TBPL1: variants seen among roughly 807,000 people sequenced by gnomAD.
TBPL1 encodes TATA box-binding protein-like 1.
In TBPL1, 4 loss-of-function variants were observed where a neutral mutation model predicts 22.1. The ratio of observed to expected loss-of-function variants is 0.18; its 90% CI spans 0.09 to 0.41. The LOEUF is 0.41. Among genes scored for constraint, TBPL1 ranks in the 10% least tolerant of loss-of-function variants. The pLI, the probability that TBPL1 is intolerant of heterozygous loss-of-function variation, is 1.00. For missense variants in TBPL1, 115 were observed against 222.3 expected, an observed-to-expected ratio of 0.52 and a Z score of 3.07; for synonymous variants, 64 against 71.0, an observed-to-expected ratio of 0.90 and a Z score of 0.50.
At position 133,974,854 on chromosome 6, in the gene TBPL1, CAAAGAACTGCTAAATAAATGATTAGTCT is replaced by C. The variant is rs1776286808; in HGVS notation, c.-44-5225_-44-5198del. On this transcript the variant is annotated intron_variant, in intron 1 of 6. Transcript: ENST00000237264. ...GCATTTCCTCAATTACTAGTAAATG[CAAAGAACTGCTAAATAAATGATTAGTCT>C]AAGAAAAAATGAATTTTAATATCAT... Among the ~76,000 whole-genome samples, 3 of 151,904 alleles carry C rather than the reference CAAAGAACTGCTAAATAAATGATTAGTCT, an allele frequency of 2.0e-5. No individual in the cohort carries two copies. The South Asian group carries it at 6.2e-4, about 32-fold the overall frequency.
chr6:133,955,095 G>A (rs1775904526), intron 1 of TBPL1, among the ~76,000 whole-genome samples: 1 of 151,912 alleles, frequency 6.6e-6, no homozygotes, highest in South Asian at 2.1e-4. Context: ...AATCTTTGTA[G>A]CAGTTCTGTG....
rs893248247 is a variant in TBPL1 at position 133,987,864 on chromosome 6, A to G, written c.*824A>G. 2 of 152,504 alleles carry G rather than the reference A, an allele frequency of 1.3e-5. No homozygotes were observed. Among genetic ancestry groups the G allele is most frequent in the Admixed American group, 1.3e-4 (2 of 15,244 alleles). The allele number at this position is 152,504 out of a possible 1,614,324, so 9.4% of individuals were successfully genotyped here. A position where few individuals can be genotyped will look rare whatever the true frequency, so the allele number is the denominator to read the frequency against. On this transcript the variant is annotated 3_prime_UTR_variant, in exon 7 of 7. Transcript: ENST00000237264. ...TTAAATAACTTGTAAAGGTTAAGAAATTGTAGTTTTAAGAAGAGAAACCTC... is the reference window on the plus strand; with the variant it reads ...TTAAATAACTTGTAAAGGTTAAGAAGTTGTAGTTTTAAGAAGAGAAACCTC...
Position 133,977,606 on chromosome 6 carries a change from TC to T in TBPL1, c.-44-2475del, listed in dbSNP as rs1776337063. The stretch of plus-strand genomic sequence containing the variant: ...TTTGATAGTTGATTCGCATGAAGTT[TC>T]TTCTTCAGTAGTTGCCTTGTGGTAG... On this transcript the variant is annotated intron_variant, in intron 1 of 6. Coordinates refer to ENST00000237264, the MANE Select transcript of TBPL1 (RefSeq NM_004865.4). Among the ~76,000 whole-genome samples, 3 of 152,238 alleles carry T rather than the reference TC, an allele frequency of 2.0e-5. No homozygotes were observed. The South Asian group carries it at 6.2e-4, about 32-fold the overall frequency.
intron 6 of TBPL1, among the ~76,000 whole-genome samples, chr6:133,986,360 G>T (rs573027764): frequency 2.7e-4 from 41 of 152,288 alleles, no homozygotes; most frequent in Middle Eastern, 6.8e-3. Context: ...TTATAAAGTT[G>T]TTCAAGAATT....
Position 133,978,491 on chromosome 6 carries a change from GC to G in TBPL1, c.-44-1589del, listed in dbSNP as rs1776353277. Among the ~76,000 whole-genome samples the G allele has an allele frequency of 2.0e-5, 3 of 152,268 alleles. No individual in the cohort carries two copies. In the South Asian group the frequency reaches 6.2e-4, roughly 32 times the overall value. On this transcript the variant is annotated intron_variant, in intron 1 of 6. Transcript: ENST00000237264. Reference sequence around the variant, plus strand: ...ACCAATGGTAATAAACTGGCCCTGTGCCTCTGCTTTTTAATCTGTCTGCTTA... The same window carrying G: ...ACCAATGGTAATAAACTGGCCCTGTGCTCTGCTTTTTAATCTGTCTGCTTA...
intron 1 of TBPL1, among the ~76,000 whole-genome samples, chr6:133,967,549 A>G (rs936921819): frequency 1.3e-5 from 2 of 152,232 alleles, no homozygotes; most frequent in Non-Finnish European, 2.9e-5. Context: ...ATATAAACCC[A>G]GACGGTAGAA....
intron 1 of TBPL1, among the ~76,000 whole-genome samples, chr6:133,979,752 T>C (rs1397305468): frequency 6.6e-6 from 1 of 152,124 alleles, no homozygotes; most frequent in Non-Finnish European, 1.5e-5. Flanking sequence ...GTTCAAGTGA[T>C]TCTCCCACCT....
chr6:133,980,088 A>G lies in TBPL1; in HGVS notation c.-38A>G, dbSNP rs201239077. The G allele has an allele frequency of 6.9e-7, 1 of 1,450,892 alleles. No individual in the cohort carries two copies. Among genetic ancestry groups the G allele is most frequent in the Non-Finnish European group, 9.1e-7 (1 of 1,096,822 alleles). The allele number at this position is 1,450,892 out of a possible 1,614,324, so 89.9% of individuals were successfully genotyped here. On this transcript the variant is annotated 5_prime_UTR_variant, in exon 2 of 7. It removes the in-frame stop codon of an upstream open reading frame in the 5' UTR. Transcript: ENST00000237264. Reference sequence around the variant, plus strand: ...ATTTTGTTTTATTTCTCAGGATGTGATCTTCGTGGTGGAAAGCTAAATTTT... The same window carrying G: ...ATTTTGTTTTATTTCTCAGGATGTGGTCTTCGTGGTGGAAAGCTAAATTTT...
chr6:133,969,321 A>T (rs1369321766), intron 1 of TBPL1, among the ~76,000 whole-genome samples: 1 of 150,464 alleles, frequency 6.6e-6, no homozygotes, highest in Non-Finnish European at 1.5e-5. Context: ...AATTTCCATT[A>T]AAAAATAGTA....
chr6:133,977,951 T>A (rs1282595043), intron 1 of TBPL1, among the ~76,000 whole-genome samples: 2 of 152,244 alleles, frequency 1.3e-5, no homozygotes, highest in African/African-American at 4.8e-5. Flanking sequence ...CTAAGTAGAC[T>A]TCCCAGAGGA....
Position 133,965,123 on chromosome 6 carries a change from T to C in TBPL1, c.-45+11698T>C, listed in dbSNP as rs531243505. ...CCTAGTGAATTAACATTTACACTTGTAAATGAAACTAATAATCTTTTAAAA... is the reference window on the plus strand; with the variant it reads ...CCTAGTGAATTAACATTTACACTTGCAAATGAAACTAATAATCTTTTAAAA... On this transcript the variant is annotated intron_variant, in intron 1 of 6. Coordinates refer to ENST00000237264, the MANE Select transcript of TBPL1 (RefSeq NM_004865.4). Among the ~76,000 whole-genome samples, 137 of 152,350 alleles carry C rather than the reference T, an allele frequency of 9.0e-4. No homozygotes were observed. In the Middle Eastern group the frequency reaches 0.01, roughly 11 times the overall value.
chr6:133,981,584 A>T (rs1776414356), intron 2 of TBPL1, among the ~76,000 whole-genome samples: 1 of 152,230 alleles, frequency 6.6e-6, no homozygotes, highest in Non-Finnish European at 1.5e-5. Flanking sequence ...TCACTTGTAT[A>T]TGAAATTTTA....
intron 6 of TBPL1, among the ~76,000 whole-genome samples, chr6:133,985,299 T>TAA (rs1776495336): frequency 6.3e-5 from 1 of 15,832 alleles, no homozygotes; most frequent in African/African-American, 2.6e-4. Context: ...AAAAAAAAAA[T>TAA]ATATATATAT....
intron 1 of TBPL1, among the ~76,000 whole-genome samples, chr6:133,978,551 G>A (rs1582580102): frequency 6.6e-6 from 1 of 152,250 alleles, no homozygotes; most frequent in East Asian, 1.9e-4. Flanking sequence ...TGTCACCCCT[G>A]CCTCACTCCT....
chr6:133,957,805 G>C (rs534657936), intron 1 of TBPL1, among the ~76,000 whole-genome samples: 1 of 152,234 alleles, frequency 6.6e-6, no homozygotes, highest in South Asian at 2.1e-4. Context: ...CAGGGTTGCT[G>C]TGAGAATTAG....
At position 133,984,573 on chromosome 6, in the gene TBPL1, G is replaced by A. The variant is rs78080205; in HGVS notation, c.387-4G>A. ...TTATATTAATTGTGGCTTATTTTGT[G>A]TAGTTACGAACCTGAACTTCATCCT... is the stretch of plus-strand genomic sequence containing the variant. On this transcript the variant is annotated splice_region_variant and splice_polypyrimidine_tract_variant and intron_variant, in intron 5 of 6. Coordinates refer to ENST00000237264, the MANE Select transcript of TBPL1 (RefSeq NM_004865.4). The A allele has an allele frequency of 2.5e-6, 4 of 1,612,614 alleles. No individual in the cohort carries two copies. Among genetic ancestry groups the A allele is most frequent in the East Asian group, 4.5e-5 (2 of 44,776 alleles).
In TBPL1 at chr6:133,987,247, CT is replaced by C. The variant is rs1424696279; in HGVS notation, c.*211del. 7.7e-5 allele frequency: 29 copies of C among 377,034 alleles called. No homozygotes were observed. The Admixed American group carries it at 1.3e-3, about 17-fold the overall frequency. 23.4% of individuals were successfully genotyped at this position (377,034 alleles called of 1,614,324 possible). A position where few individuals can be genotyped will look rare whatever the true frequency, so the allele number is the denominator to read the frequency against. On this transcript the variant is annotated 3_prime_UTR_variant, in exon 7 of 7. Transcript: ENST00000237264. Reference sequence around the variant, plus strand: ...AAGTTTACAAGACATGATATTGCTGCTTTTACAAAAGGACATTCTATTTATT... The same window carrying C: ...AAGTTTACAAGACATGATATTGCTGCTTTACAAAAGGACATTCTATTTATT...
chr6:133,986,919 T>A (rs1393874185), intron 6 of TBPL1, 42 bp from the exon 7 acceptor site: 4 of 1,431,348 alleles, frequency 2.8e-6, no homozygotes, highest in Non-Finnish European at 3.8e-6. Context: ...GTGCTCCCTT[T>A]TCCAACTCTT....
chr6:133,975,346 TGAA>T (rs1392946409), intron 1 of TBPL1, among the ~76,000 whole-genome samples: 1 of 151,992 alleles, frequency 6.6e-6, no homozygotes, highest in African/African-American at 2.4e-5. Context: ...AAAATAGACT[TGAA>T]GAAAACAGAG....
Sources: allele counts gnomAD v4.1 joint callset (sites outside exome capture counted in the v4.1 genomes callset), GRCh38; gene constraint gnomAD v4.1.1; transcripts MANE v1.5; gene names NCBI Gene and HGNC (gene_info 2026-07-23, HGNC 2026-07-21).